The following ANGPT1 variants were observed in gnomAD, a reference collection of about 807,000 sequenced individuals.
The protein encoded by ANGPT1 is angiopoietin 1, also known as angiopoietin-1.
ANGPT1 carries 17 observed loss-of-function variants against 62.2 expected under a neutral mutation model. The observed-to-expected ratio is 0.27, with a 90% CI of 0.19 to 0.41. The LOEUF is 0.41. Ranked by LOEUF, ANGPT1 falls within the 10% of genes least tolerant of loss-of-function variation. The pLI is 1.00. For synonymous variants in ANGPT1, 199 were observed against 198.9 expected, an observed-to-expected ratio of 1.00 and a Z score of 0.00; for missense variants, 478 against 594.9, an observed-to-expected ratio of 0.80 and a Z score of 2.04.
chr8:107,424,174 C>G (rs900118935), intron 1 of ANGPT1, among the ~76,000 whole-genome samples: 1 of 147,924 alleles, frequency 6.8e-6, no homozygotes, highest in African/African-American at 2.5e-5. Flanking sequence ...AAAAAAAATT[C>G]TGCATTGGAC....
intron 7 of ANGPT1, among the ~76,000 whole-genome samples, chr8:107,266,134 T>C (rs1196221038): frequency 6.6e-6 from 1 of 152,196 alleles, no homozygotes; most frequent in Non-Finnish European, 1.5e-5. Flanking sequence ...TGCAAAATTG[T>C]AGAATTTTTT....
At chr8:107,385,329 G>A (rs905198068) in intron 1 of ANGPT1, among the ~76,000 whole-genome samples, 2 of 151,924 alleles carry the variant, frequency 1.3e-5, no homozygotes, top group Admixed American at 6.6e-5. Flanking sequence ...TGTAATTCTT[G>A]TTGTAGAGAT....
At chr8:107,356,636 G>A (rs951730754) in intron 1 of ANGPT1, among the ~76,000 whole-genome samples, 6 of 152,156 alleles carry the variant, frequency 3.9e-5, no homozygotes. Flanking sequence ...AATACAGCCT[G>A]GAAAAATTGA....
At chr8:107,274,036 T>C (rs73700096) in intron 7 of ANGPT1, among the ~76,000 whole-genome samples, 3,148 of 152,130 alleles carry the variant, frequency 0.021, 108 homozygotes, top group African/African-American at 0.071. Flanking sequence ...AACTATTCCA[T>C]GTTTTGTTTC....
At chr8:107,383,479 T>C (rs1816677316) in intron 1 of ANGPT1, among the ~76,000 whole-genome samples, 1 of 152,190 alleles carries the variant, frequency 6.6e-6, no homozygotes, top group Non-Finnish European at 1.5e-5. Context: ...TCCAGGTTTA[T>C]CACAGCAGTA....
chr8:107,313,433 T>TTTG (rs1361995986), intron 4 of ANGPT1, among the ~76,000 whole-genome samples: 2 of 85,356 alleles, frequency 2.3e-5, no homozygotes, highest in African/African-American at 5.7e-5. Context: ...CTAGTTGTTT[T>TTTG]TTTTTTTTTT....
At chr8:107,391,571 G>C (rs572138021) in intron 1 of ANGPT1, among the ~76,000 whole-genome samples, 1 of 152,122 alleles carries the variant, frequency 6.6e-6, no homozygotes, top group African/African-American at 2.4e-5. Context: ...AGAGGCTGAG[G>C]CAGGAGAATC....
intron 1 of ANGPT1, among the ~76,000 whole-genome samples, chr8:107,442,571 A>G (rs571281779): frequency 1.4e-4 from 21 of 152,318 alleles, no homozygotes; most frequent in African/African-American, 5.1e-4. Flanking sequence ...CTTCTCTTCT[A>G]AAAAGATTTC....
chr8:107,446,534 A>G (rs1445824136), intron 1 of ANGPT1, among the ~76,000 whole-genome samples: 1 of 152,196 alleles, frequency 6.6e-6, no homozygotes, highest in Non-Finnish European at 1.5e-5. Context: ...TGGCCTATAA[A>G]GATAAAGAGG....
chr8:107,298,881 T>C (rs1458869582), intron 5 of ANGPT1, among the ~76,000 whole-genome samples: 6 of 151,864 alleles, frequency 4.0e-5, no homozygotes, highest in Non-Finnish European at 7.4e-5. Context: ...GAGCAATGCT[T>C]TGGCTAAGCC....
At chr8:107,492,299 G>T (rs574812985) in intron 1 of ANGPT1, among the ~76,000 whole-genome samples, 4 of 152,124 alleles carry the variant, frequency 2.6e-5, no homozygotes, top group South Asian at 2.1e-4. Context: ...TTATTTTCAC[G>T]TTTAGTGACA....
At chr8:107,329,761 G>A (rs10808413) in intron 3 of ANGPT1, among the ~76,000 whole-genome samples, 94,680 of 151,708 alleles carry the variant, frequency 0.62, 30,365 homozygotes, top group African/African-American at 0.78. Context: ...TATTCATTTA[G>A]CATTCAAAAT....
At chr8:107,446,811 A>G (rs1440766391) in intron 1 of ANGPT1, among the ~76,000 whole-genome samples, 3 of 152,034 alleles carry the variant, frequency 2.0e-5, no homozygotes, top group Non-Finnish European at 4.4e-5. Context: ...CTCAAATTTT[A>G]CTCTTGAACC....
chr8:107,393,078 G>T (rs959912916), intron 1 of ANGPT1, among the ~76,000 whole-genome samples: 1 of 152,168 alleles, frequency 6.6e-6, no homozygotes, highest in East Asian at 1.9e-4. Flanking sequence ...GAGTAAAAAA[G>T]TTGGTGTTCA....
At chr8:107,485,906 A>C (rs945356344) in intron 1 of ANGPT1, among the ~76,000 whole-genome samples, 1 of 152,214 alleles carries the variant, frequency 6.6e-6, no homozygotes, top group Non-Finnish European at 1.5e-5. Context: ...GTCAGACTCA[A>C]TTAAGCTCTA....
intron 7 of ANGPT1, among the ~76,000 whole-genome samples, chr8:107,278,694 A>G (rs895133005): frequency 1.3e-5 from 2 of 152,200 alleles, no homozygotes. Context: ...CAGTTTCTAC[A>G]TTGTGTATTT....
intron 7 of ANGPT1, among the ~76,000 whole-genome samples, chr8:107,270,213 G>A (rs1189984098): frequency 6.6e-6 from 1 of 151,978 alleles, no homozygotes; most frequent in Non-Finnish European, 1.5e-5. Flanking sequence ...ATACTCAGGT[G>A]GCCAAGTGTC....
Position 107,497,613 on chromosome 8 carries a change from G to A in ANGPT1, c.-55C>T, listed in dbSNP as rs959616896. 11 of 1,543,926 alleles carry A rather than the reference G, an allele frequency of 7.1e-6. No individual in the cohort carries two copies. The highest frequency in any genetic ancestry group is 3.4e-4 in the Middle Eastern group (2 of 5,812). ...CTCGCAAAACTTGCTCCTTTCTTCT[G>A]ACCTCTAAAACTAGTTCTTTATTTC... On this transcript the variant is annotated 5_prime_UTR_variant, in exon 1 of 9. Coordinates refer to ENST00000517746, the MANE Select transcript of ANGPT1 (RefSeq NM_001146.5).
chr8:107,378,716 T>C (rs762313767), intron 1 of ANGPT1, among the ~76,000 whole-genome samples: 1 of 152,058 alleles, frequency 6.6e-6, no homozygotes, highest in South Asian at 2.1e-4. Context: ...TAACGGGCTC[T>C]TCCCCCTTCC....
Sources: gnomAD v4.1 joint callset for allele counts (sites outside exome capture counted in the v4.1 genomes callset) on GRCh38, gnomAD v4.1.1 for gene constraint, MANE v1.5 for transcripts, NCBI Gene and HGNC (gene_info 2026-07-23, HGNC 2026-07-21) for gene names.